ZNF391: variants seen among roughly 807,000 people sequenced by gnomAD.
The protein encoded by ZNF391 is zinc finger protein 391.
For synonymous variants in ZNF391, 126 were observed against 142.1 expected, an observed-to-expected ratio of 0.89 and a Z score of 0.80; for missense variants, 375 against 425.5, an observed-to-expected ratio of 0.88 and a Z score of 1.04.
chr6:27,389,784 A>G (rs1167150670), intron 1 of ZNF391, among the ~76,000 whole-genome samples: 1 of 152,162 alleles, frequency 6.6e-6, no homozygotes, highest in Non-Finnish European at 1.5e-5. Flanking sequence ...AGCGTAGGCA[A>G]CAAGAGTGAA....
chr6:27,401,736 A>T lies in ZNF391; in HGVS notation c.*289A>T. ...AAAGGGATGACTCAAAAAACATAAC[A>T]TATGAAATCTAATATTCTGAAGGGC... On this transcript the variant is annotated 3_prime_UTR_variant, in exon 3 of 3. Coordinates refer to ENST00000244576, the MANE Select transcript of ZNF391 (RefSeq NM_001076781.3). 1 of 248,848 alleles carries T rather than the reference A, an allele frequency of 4.0e-6. No individual in the cohort carries two copies. Among genetic ancestry groups the T allele is most frequent in the Non-Finnish European group, 7.7e-6 (1 of 129,300 alleles). The allele number at this position is 248,848 out of a possible 1,614,324, so 15.4% of individuals were successfully genotyped here.
chr6:27,378,561 T>G (rs1449724582), intron 1 of ZNF391, among the ~76,000 whole-genome samples: 1 of 152,122 alleles, frequency 6.6e-6, no homozygotes, highest in Admixed American at 6.6e-5. Flanking sequence ...CTATTTTCAC[T>G]TCTTTTGTGG....
rs543398016 is a variant in ZNF391, at chr6:27,394,499, A to T, written c.-187-4943A>T. ...GAAGCCTCTGCCTAGAGTTAAGAGG[A>T]TGTATGAGAAGGCCTGGGTGTCCAG... On this transcript the variant is annotated intron_variant, in intron 1 of 2. Coordinates refer to ENST00000244576, the MANE Select transcript of ZNF391 (RefSeq NM_001076781.3). 3.3e-5 allele frequency among the ~76,000 whole-genome samples: 5 copies of T among 152,308 alleles called. No homozygotes were observed. In the East Asian group the frequency reaches 9.7e-4, roughly 29 times the overall value.
In ZNF391 at chr6:27,376,719, G is replaced by A. The variant is rs987205089; in HGVS notation, n.523+1582G>A. ...AAAAATACAAAAAAATTAGCTAGAT[G>A]TAATGGCGAGCCGCTTGAAGCTACT... On this transcript the variant is annotated intron_variant and non_coding_transcript_variant, in intron 1 of 2. Coordinates refer to the ZNF391 transcript ENST00000477999. This position sits in a 1 kb window ranked among gnomAD's most constrained non-coding sequence, Gnocchi z 4.7. 2.6e-5 allele frequency among the ~76,000 whole-genome samples: 4 copies of A among 152,076 alleles called. No individual in the cohort carries two copies. Among genetic ancestry groups the A allele is most frequent in the Non-Finnish European group, 4.4e-5 (3 of 68,028 alleles).
At chr6:27,377,811 C>T (rs1038893067) in intron 1 of ZNF391, among the ~76,000 whole-genome samples, 4 of 152,190 alleles carry the variant, frequency 2.6e-5, no homozygotes, top group Admixed American at 6.5e-5. Context: ...TTTCTGGGTT[C>T]GCAGTGTTTA....
intron 1 of ZNF391, among the ~76,000 whole-genome samples, chr6:27,393,155 A>G (rs902517465): frequency 1.3e-5 from 2 of 152,262 alleles, no homozygotes; most frequent in Non-Finnish European, 2.9e-5. Context: ...AAAAACAACT[A>G]CACTTTGAGA....
chr6:27,391,201 C>CTTTTTTTTTTTTTTTTTTTT (rs386406591), intron 1 of ZNF391: 1 of 97,278 alleles, frequency 1.0e-5, no homozygotes, highest in Admixed American at 1.4e-4. Flanking sequence ...ATTCATTGTA[C>CTTTTTTTTTTTTTTTTTTTT]TTTTTTTTTT....
At chr6:27,383,096 G>C (rs1218034157) in intron 1 of ZNF391, among the ~76,000 whole-genome samples, 1 of 151,504 alleles carries the variant, frequency 6.6e-6, no homozygotes, top group East Asian at 1.9e-4. Context: ...TTCCAGCCTG[G>C]GCAACAGAGC....
chr6:27,385,057 C>T (rs1761567371), upstream of ZNF391, among the ~76,000 whole-genome samples: 1 of 151,524 alleles, frequency 6.6e-6, no homozygotes, highest in African/African-American at 2.4e-5. Flanking sequence ...AAGGTACTTG[C>T]CATACTACCC....
At chr6:27,385,961 A>T (rs2113642945), upstream of ZNF391, among the ~76,000 whole-genome samples, 1 of 152,308 alleles carries the variant, frequency 6.6e-6, no homozygotes, top group Non-Finnish European at 1.5e-5. Flanking sequence ...ACTAGAAATC[A>T]ATAACAGAAA....
chr6:27,400,762 A>G lies in ZNF391; in HGVS notation c.392A>G (p.His131Arg). ...GACCTTCTTGTACACAGTAGAATTC[A>G]TGGTGGAGAAAAGCCTTTTGAATGC... ...QSDLLVHSRI[H>R]GGEKPFECNK... Residue 131 changes from histidine (H) to arginine (R), a missense_variant, in exon 3 of 3, where the codon CAT (histidine) becomes CGT (arginine). Coordinates refer to ENST00000244576, the MANE Select transcript of ZNF391 (RefSeq NM_001076781.3). 1 of 1,614,244 alleles carries G rather than the reference A, an allele frequency of 6.2e-7. No individual in the cohort carries two copies. The highest frequency in any genetic ancestry group is 8.5e-7 in the Non-Finnish European group (1 of 1,180,034).
intron 1 of ZNF391, among the ~76,000 whole-genome samples, chr6:27,375,876 C>T (rs1212952911): frequency 6.6e-6 from 1 of 152,158 alleles, no homozygotes; most frequent in African/African-American, 2.4e-5. Context: ...GTACACTCCA[C>T]AGTGTGGGAG....
chr6:27,401,252 A>G lies in ZNF391; in HGVS notation c.882A>G (p.Glu294=). 1 of 1,614,204 alleles carries G rather than the reference A, an allele frequency of 6.2e-7. No homozygotes were observed. Among genetic ancestry groups the G allele is most frequent in the Non-Finnish European group, 8.5e-7 (1 of 1,180,024 alleles). Residue 294 remains glutamate (E), a synonymous_variant, in exon 3 of 3, where the codon GAA becomes GAG. Transcript: ENST00000244576. ...TCAGTCGAAGCTCGTCTCTTACAGA[A>G]CATCAGAGAATCCACAGTGGAGAAA... The part of the protein sequence containing the change: ...KVFSRSSSLT[E]HQRIHSGEKP...
rs902288841 is a variant in ZNF391, at chr6:27,376,832, G to A, written n.523+1695G>A. ...TGCGCCACTGCACTCCAGCCTGGGC[G>A]ACAAAGCAAGACTCCCTCTCAAAAT... is the stretch of plus-strand genomic sequence containing the variant. On this transcript the variant is annotated intron_variant and non_coding_transcript_variant, in intron 1 of 2. Coordinates refer to the ZNF391 transcript ENST00000477999. The surrounding 1 kb of genome is among the most constrained non-coding windows in gnomAD (Gnocchi z 4.7). 6.6e-6 allele frequency among the ~76,000 whole-genome samples: 1 copy of A among 152,160 alleles called. No individual in the cohort carries two copies. Among genetic ancestry groups the A allele is most frequent in the Non-Finnish European group, 1.5e-5 (1 of 68,000 alleles).
At chr6:27,382,589 A>C (rs557692655) in intron 1 of ZNF391, among the ~76,000 whole-genome samples, 8 of 152,200 alleles carry the variant, frequency 5.3e-5, no homozygotes, top group Admixed American at 3.3e-4. Context: ...AATTTGAAAC[A>C]ATGATGATTA....
At chr6:27,397,187 G>T (rs1315502701) in intron 1 of ZNF391, among the ~76,000 whole-genome samples, 1 of 152,196 alleles carries the variant, frequency 6.6e-6, no homozygotes, top group Non-Finnish European at 1.5e-5. Flanking sequence ...TCTGCTTCTG[G>T]TGAGGGCCTC....
chr6:27,390,578 T>C (rs1046933866), intron 1 of ZNF391, among the ~76,000 whole-genome samples: 1 of 152,190 alleles, frequency 6.6e-6, no homozygotes, highest in African/African-American at 2.4e-5. Flanking sequence ...CCTGAAACTT[T>C]TGTCACATCC....
rs780134717 is a variant in ZNF391 at position 27,401,082 on chromosome 6, C to T, written c.712C>T (p.Gln238Ter). The T allele has an allele frequency of 4.3e-6, 7 of 1,614,074 alleles. No individual in the cohort carries two copies. Among genetic ancestry groups the T allele is most frequent in the Non-Finnish European group, 5.9e-6 (7 of 1,180,012 alleles). Residue 238 changes from glutamine to a stop codon, truncating the protein, a stop_gained, in exon 3 of 3, where the codon CAG becomes TAG. Coordinates refer to ENST00000244576, the MANE Select transcript of ZNF391 (RefSeq NM_001076781.3). LOFTEE classifies it low-confidence loss of function (END_TRUNC). ...CTTCGGTGACCGTTCAACCATAATT[C>T]AGCATCAACGAATACACACTGGAGA... The part of the protein sequence containing the change: ...KAFGDRSTII[Q>*]HQRIHTGENP...
At chr6:27,378,647 C>T (rs1436052204) in intron 1 of ZNF391, among the ~76,000 whole-genome samples, 3 of 152,150 alleles carry the variant, frequency 2.0e-5, no homozygotes, top group Non-Finnish European at 4.4e-5. Context: ...TACTTCAGGC[C>T]ATCTGCATGT....
Sources: allele counts gnomAD v4.1 joint callset (sites outside exome capture counted in the v4.1 genomes callset), GRCh38; gene constraint gnomAD v4.1.1; non-coding constraint Gnocchi (gnomAD v3.1); transcripts MANE v1.5; gene names NCBI Gene and HGNC (gene_info 2026-07-23, HGNC 2026-07-21).